PTCD3: variants seen among roughly 807,000 people sequenced by gnomAD.
The protein encoded by PTCD3 is pentatricopeptide repeat domain 3, also known as small ribosomal subunit protein mS39.
A neutral mutation model predicts 101.9 loss-of-function variants in PTCD3; 89 were observed. The observed-to-expected ratio is 0.87, with a 90% CI of 0.74 to 1.04. PTCD3 has a LOEUF of 1.04. PTCD3 is among the 50% of genes least tolerant of loss of function. The pLI, the probability that PTCD3 is intolerant of heterozygous loss-of-function variation, is 0.00. For synonymous variants in PTCD3, 296 were observed against 278.5 expected, an observed-to-expected ratio of 1.06 and a Z score of -0.63; for missense variants, 870 against 828.2, an observed-to-expected ratio of 1.05 and a Z score of -0.62.
chr2:86,133,287 T>C (rs373084824), intron 18 of PTCD3, 31 bp downstream of exon 18: 4 of 1,613,880 alleles, frequency 2.5e-6, no homozygotes, highest in African/African-American at 2.7e-5. Context: ...TTATTTATCA[T>C]TCTAGATGAA....
At chr2:86,131,211 T>A in intron 16 of PTCD3, 105 bp downstream of exon 16, 1 of 834,788 alleles carries the variant, frequency 1.2e-6, no homozygotes, top group East Asian at 3.1e-5. Flanking sequence ...TGTTCATGTC[T>A]TTGCTTCTGT....
chr2:86,127,804 T>G, intron 13 of PTCD3, 137 bp from the exon 14 acceptor site: 1 of 707,992 alleles, frequency 1.4e-6, no homozygotes, highest in Non-Finnish European at 2.4e-6. Flanking sequence ...AATAACTTTG[T>G]TCAAAGGAAT....
chr2:86,136,548 T>C lies in PTCD3; in HGVS notation c.1806T>C (p.His602=). ...AWKMLGLFRK[H]NKIPRSELLN... is the part of the protein sequence containing the mutation. ...AAATGTTGGGGCTTTTCAGGAAGCATAATAAGATTCCTAGGTAAGTTGAAA... is the reference window on the plus strand; with the variant it reads ...AAATGTTGGGGCTTTTCAGGAAGCACAATAAGATTCCTAGGTAAGTTGAAA... Residue 602 remains histidine, a synonymous_variant, in exon 22 of 24, where the codon CAT becomes CAC. Transcript: ENST00000254630. 1 of 1,612,606 alleles carries C rather than the reference T, an allele frequency of 6.2e-7. No individual in the cohort carries two copies. Among genetic ancestry groups the C allele is most frequent in the Non-Finnish European group, 8.5e-7 (1 of 1,178,580 alleles).
intron 3 of PTCD3, 85 bp from the exon 4 acceptor site, chr2:86,111,028 C>T (rs749038033): frequency 8.3e-7 from 1 of 1,206,186 alleles, no homozygotes; most frequent in Non-Finnish European, 1.2e-6. Flanking sequence ...ATGTTATTGG[C>T]CAGTACACTG....
At chr2:86,127,748 TAC>T in intron 13 of PTCD3, 191 bp from the exon 14 acceptor site, 1 of 584,820 alleles carries the variant, frequency 1.7e-6, no homozygotes, top group Non-Finnish European at 3.0e-6. Flanking sequence ...CAAAAAGTGA[TAC>T]AGTCTTTGTG....
intron 4 of PTCD3, among the ~76,000 whole-genome samples, chr2:86,113,780 C>A (rs550078680): frequency 1.3e-5 from 2 of 152,142 alleles, no homozygotes; most frequent in East Asian, 3.9e-4. Flanking sequence ...CACTGTACTC[C>A]ACAGAGTGAG....
intron 3 of PTCD3, among the ~76,000 whole-genome samples, chr2:86,109,346 G>A (rs1382503093): frequency 6.6e-6 from 1 of 151,258 alleles, no homozygotes; most frequent in East Asian, 1.9e-4. Flanking sequence ...GACGGAGCTT[G>A]CAGTGAGCCG....
rs370928001 is a variant in PTCD3, at chr2:86,116,957, G to GTT, written c.310-90_310-89dup. 907 of 608,918 alleles carry GTT rather than the reference G, an allele frequency of 1.5e-3. 7 individuals are homozygous for GTT. The African/African-American group carries it at 0.015, about 10-fold the overall frequency. The allele number at this position is 608,918 out of a possible 1,614,324, so 37.7% of individuals were successfully genotyped here. On this transcript the variant is annotated intron_variant, in intron 5 of 23. Coordinates refer to ENST00000254630, the MANE Select transcript of PTCD3 (RefSeq NM_017952.6). The stretch of plus-strand genomic sequence containing the variant: ...TGGGATTCTGCGTGTTGTTGCATTT[G>GTT]TTTTTTTTTGTGAGGGGGGAGAAAT...
At chr2:86,119,360 CT>C (rs70953987) in intron 7 of PTCD3, among the ~76,000 whole-genome samples, 101,386 of 141,214 alleles carry the variant, frequency 0.72, 38,047 homozygotes, top group Non-Finnish European at 0.83. Flanking sequence ...TACCCTTTTC[CT>C]TTTTTTTTTT....
At chr2:86,107,103 T>C in intron 1 of PTCD3, 1 of 471,078 alleles carries the variant, frequency 2.1e-6, no homozygotes, top group Non-Finnish European at 4.4e-6. Flanking sequence ...TGTTTTTATA[T>C]GTACTCTCCC....
chr2:86,124,897 G>A (rs922122946), intron 9 of PTCD3, 98 bp from the exon 10 acceptor site: 22 of 1,470,530 alleles, frequency 1.5e-5, no homozygotes, highest in Non-Finnish European at 1.9e-5. Flanking sequence ...GAAAGTACTT[G>A]GCACATTGCC....
chr2:86,115,114 ATT>A (rs1402818501), intron 4 of PTCD3, among the ~76,000 whole-genome samples: 1 of 152,212 alleles, frequency 6.6e-6, no homozygotes, highest in African/African-American at 2.4e-5. Context: ...ACAGTGAACC[ATT>A]CTTAGCAGTT....
At chr2:86,125,645 A>T in intron 11 of PTCD3, 130 bp downstream of exon 11, 1 of 1,128,236 alleles carries the variant, frequency 8.9e-7, no homozygotes, top group Non-Finnish European at 1.3e-6. Context: ...TGATTGAAGC[A>T]AGAGTAGAGA....
At chr2:86,116,506 A>T in intron 4 of PTCD3, 24 bp from the exon 5 acceptor site, 1 of 1,571,400 alleles carries the variant, frequency 6.4e-7, no homozygotes, top group South Asian at 1.1e-5. Context: ...TAAATATAGA[A>T]ATTGTATTAT....
At chr2:86,110,023 C>A (rs915587835) in intron 3 of PTCD3, among the ~76,000 whole-genome samples, 3 of 152,090 alleles carry the variant, frequency 2.0e-5, no homozygotes, top group East Asian at 3.9e-4. Context: ...TTTAGGTTAA[C>A]GTGTAATGTT....
At chr2:86,126,461 G>T (rs1220662136) in intron 12 of PTCD3, among the ~76,000 whole-genome samples, 2 of 152,130 alleles carry the variant, frequency 1.3e-5, no homozygotes, top group East Asian at 3.9e-4. Context: ...CTGTTACAAA[G>T]TAATGCATAT....
At chr2:86,117,977 A>T (rs891998591) in intron 6 of PTCD3, among the ~76,000 whole-genome samples, 2 of 152,000 alleles carry the variant, frequency 1.3e-5, no homozygotes, top group Non-Finnish European at 2.9e-5. Context: ...GGGTTTTACC[A>T]TCTTGGCCAG....
At chr2:86,131,883 C>T (rs1674498935) in intron 16 of PTCD3, among the ~76,000 whole-genome samples, 1 of 152,046 alleles carries the variant, frequency 6.6e-6, no homozygotes, top group African/African-American at 2.4e-5. Flanking sequence ...AGTATGGATC[C>T]TCACAAGGTT....
chr2:86,121,029 A>G (rs6751683), intron 7 of PTCD3, among the ~76,000 whole-genome samples: 132 of 152,320 alleles, frequency 8.7e-4, no homozygotes, highest in African/African-American at 3.0e-3. Context: ...TTAAGAGACT[A>G]CTATAGTTCG....
Sources: gnomAD v4.1 joint callset for allele counts (sites outside exome capture counted in the v4.1 genomes callset) on GRCh38, gnomAD v4.1.1 for gene constraint, MANE v1.5 for transcripts, NCBI Gene and HGNC (gene_info 2026-07-23, HGNC 2026-07-21) for gene names.